Variants in EYS observed in about 807,000 individuals in gnomAD.
EYS encodes the protein protein eyes shut homolog.
Under a neutral mutation model 282.1 loss-of-function variants are expected in EYS, and 250 were observed. The ratio of observed to expected loss-of-function variants is 0.89; its 90% CI spans 0.80 to 0.98. EYS has a LOEUF of 0.98. Among genes scored for constraint, EYS ranks in the 50% least tolerant of loss-of-function variants. EYS has a pLI of 0.00. For missense variants in EYS, 4,016 were observed against 3,709.0 expected (o/e 1.08, Z -2.15); for synonymous variants, 1,355 against 1,282.9 (o/e 1.06, Z -1.20).
chr6:64,590,065 G>A (rs1377578746), intron 26 of EYS, among the ~76,000 whole-genome samples, 158 bp downstream of exon 26: 1 of 152,070 alleles, frequency 6.6e-6, no homozygotes, highest in Non-Finnish European at 1.5e-5. Context: ...AACCATCTGT[G>A]TCAGGTACAA....
At position 65,384,480 on chromosome 6, in the gene EYS, T is replaced by C; in HGVS notation, c.1205A>G (p.Glu402Gly). ...YPCSCISGFT[E>G]KNCEKAIDHC... is the part of the protein sequence containing the mutation. ...GTCAATTGCTTTCTCACAGTTTTTT[T>C]CAGTAAATCCTGATATACAGCTGTA... Residue 402 changes from glutamate to glycine, a missense_variant, in exon 8 of 43, where the codon GAA (glutamate) becomes GGA (glycine). Transcript: ENST00000503581. 2.5e-6 allele frequency: 4 copies of C among 1,598,040 alleles called. No homozygotes were observed. In the South Asian group the frequency reaches 4.4e-5, roughly 18 times the overall value.
intron 28 of EYS, among the ~76,000 whole-genome samples, chr6:64,432,756 G>A (rs764413005): frequency 6.6e-6 from 1 of 151,828 alleles, no homozygotes; most frequent in African/African-American, 2.4e-5. Flanking sequence ...GTTCTACCTG[G>A]TGGTGTTCAA....
intron 7 of EYS, among the ~76,000 whole-genome samples, chr6:65,389,113 A>T (rs1765907927): frequency 6.6e-6 from 1 of 152,126 alleles, no homozygotes; most frequent in Non-Finnish European, 1.5e-5. Context: ...GTGTCTGTAC[A>T]GTTTCCTTTC....
At chr6:65,298,300 C>T (rs1768721718) in intron 11 of EYS, among the ~76,000 whole-genome samples, 1 of 151,830 alleles carries the variant, frequency 6.6e-6, no homozygotes, top group Non-Finnish European at 1.5e-5. Flanking sequence ...AGAGAGTTTG[C>T]CAGTTAACTA....
rs115261786 is a variant in EYS, at chr6:64,222,515, C to G, written c.6424+8077G>C. Among the ~76,000 whole-genome samples, 727 of 152,074 alleles carry G rather than the reference C, an allele frequency of 4.8e-3. 5 individuals carry two copies. The highest frequency in any genetic ancestry group is 0.016 in the African/African-American group (672 of 41,534). On this transcript the variant is annotated intron_variant, in intron 31 of 42. Transcript: ENST00000503581. ...ATCATCCAAATTTATACTCTTCAATCCTTTTCCCTGATTTATTCCCATTAA... is the reference window on the plus strand; with the variant it reads ...ATCATCCAAATTTATACTCTTCAATGCTTTTCCCTGATTTATTCCCATTAA...
intron 12 of EYS, among the ~76,000 whole-genome samples, chr6:65,190,686 AGT>A (rs1188925484): frequency 1.3e-5 from 2 of 151,808 alleles, no homozygotes; most frequent in Non-Finnish European, 2.9e-5. Context: ...TTCAAGCACT[AGT>A]GTGTTTGTTA....
At chr6:64,723,412 G>A (rs1048122952) in intron 22 of EYS, among the ~76,000 whole-genome samples, 1 of 152,120 alleles carries the variant, frequency 6.6e-6, no homozygotes, top group Admixed American at 6.5e-5. Flanking sequence ...AACTAAAAAC[G>A]GCACTGCAGG....
chr6:65,083,578 A>G (rs1314434981), intron 12 of EYS, among the ~76,000 whole-genome samples: 1 of 151,876 alleles, frequency 6.6e-6, no homozygotes, highest in Admixed American at 6.6e-5. Flanking sequence ...GATACCTCGA[A>G]TATTATTTTG....
intron 26 of EYS, among the ~76,000 whole-genome samples, chr6:64,497,804 A>G (rs751931038): frequency 6.6e-6 from 1 of 152,174 alleles, no homozygotes; most frequent in African/African-American, 2.4e-5. Flanking sequence ...GAAATAATAA[A>G]TCTTGGTAAC....
rs544584493 is a variant in EYS, at chr6:63,943,987, A to AT, written c.7055+40395dup. 3.4e-3 allele frequency among the ~76,000 whole-genome samples: 511 copies of AT among 152,338 alleles called. 1 individual carries two copies. The highest frequency in any genetic ancestry group is 0.013 in the South Asian group (61 of 4,830). On this transcript the variant is annotated intron_variant, in intron 35 of 42. Transcript: ENST00000503581. ...ATGCTGTGAAGACCATCTAGTTGGAATGCCAACAGCCTTCTTTTCTAGCTG... is the reference window on the plus strand; with the variant it reads ...ATGCTGTGAAGACCATCTAGTTGGAATTGCCAACAGCCTTCTTTTCTAGCTG...
At chr6:64,264,465 A>T (rs1767689042) in intron 30 of EYS, among the ~76,000 whole-genome samples, 1 of 152,164 alleles carries the variant, frequency 6.6e-6, no homozygotes, top group Non-Finnish European at 1.5e-5. Context: ...CAGAATAGTC[A>T]CAGGGGATTC....
chr6:64,601,115 C>G (rs1303749553), intron 24 of EYS, among the ~76,000 whole-genome samples: 1 of 152,014 alleles, frequency 6.6e-6, no homozygotes, highest in Non-Finnish European at 1.5e-5. Flanking sequence ...CCTCTGCTGG[C>G]TCCTTCTCTT....
intron 12 of EYS, among the ~76,000 whole-genome samples, chr6:65,153,921 TATC>T (rs1190704106): frequency 2.0e-5 from 3 of 151,954 alleles, no homozygotes; most frequent in South Asian, 4.1e-4. Flanking sequence ...GATACATTAT[TATC>T]ATCTGATATC....
chr6:63,829,310 C>T (rs1771559537), intron 36 of EYS, among the ~76,000 whole-genome samples: 1 of 152,176 alleles, frequency 6.6e-6, no homozygotes, highest in Admixed American at 6.5e-5. Flanking sequence ...TTCCCTTTCC[C>T]AGCAAAGGGA....
chr6:64,119,156 A>C (rs957950265), intron 31 of EYS, among the ~76,000 whole-genome samples: 2 of 152,112 alleles, frequency 1.3e-5, no homozygotes, highest in African/African-American at 4.8e-5. Context: ...TTTGATTCAG[A>C]TCTTCAGATA....
chr6:65,281,352 T>G (rs1768215615), intron 12 of EYS, among the ~76,000 whole-genome samples: 1 of 152,108 alleles, frequency 6.6e-6, no homozygotes, highest in Non-Finnish European at 1.5e-5. Flanking sequence ...TTCACTATAA[T>G]TAACACTAAA....
At chr6:65,627,926 G>A (rs1291888939) in intron 2 of EYS, among the ~76,000 whole-genome samples, 2 of 152,242 alleles carry the variant, frequency 1.3e-5, no homozygotes, top group African/African-American at 2.4e-5. Flanking sequence ...TGAGGAATGC[G>A]AGCGCACGGC....
At position 64,953,105 on chromosome 6, in the gene EYS, T is replaced by A. The variant is rs191427355; in HGVS notation, c.2260-7191A>T. Among the ~76,000 whole-genome samples, 43 of 152,006 alleles carry A rather than the reference T, an allele frequency of 2.8e-4. No individual in the cohort carries two copies. In the East Asian group the frequency reaches 7.9e-3, roughly 28 times the overall value. On this transcript the variant is annotated intron_variant, in intron 14 of 42. Transcript: ENST00000503581. The stretch of plus-strand genomic sequence containing the variant: ...TTCATTACAATCAACCAAAAGCAGT[T>A]CTATAAATGAAGGATTAAAATCCCC...
intron 9 of EYS, among the ~76,000 whole-genome samples, chr6:65,351,732 C>T (rs1434228627): frequency 6.6e-6 from 1 of 151,718 alleles, no homozygotes; most frequent in Non-Finnish European, 1.5e-5. Flanking sequence ...TTGGTTGTAA[C>T]AGTAGAGAGC....
Sources: gnomAD v4.1 joint callset for allele counts (sites outside exome capture counted in the v4.1 genomes callset) on GRCh38, gnomAD v4.1.1 for gene constraint, MANE v1.5 for transcripts, NCBI Gene and HGNC (gene_info 2026-07-23, HGNC 2026-07-21) for gene names.